Variants in BAG6 observed in about 807,000 individuals in gnomAD.
BAG6 encodes the protein large proline-rich protein BAG6.
In BAG6, 22 loss-of-function variants were observed where a neutral mutation model predicts 121.0. The ratio of observed to expected loss-of-function variants is 0.18; its 90% CI spans 0.13 to 0.26. BAG6 has a LOEUF of 0.26. BAG6 is among the 10% of genes least tolerant of loss of function. The pLI, the probability that BAG6 is intolerant of heterozygous loss-of-function variation, is 1.00. For missense variants in BAG6, 1,233 were observed against 1,537.7 expected, an observed-to-expected ratio of 0.80 and a Z score of 3.31; for synonymous variants, 583 against 584.6, an observed-to-expected ratio of 1.00 and a Z score of 0.04.
At chr6:31,651,252 T>C (rs529186282) in intron 2 of BAG6, among the ~76,000 whole-genome samples, 51 of 152,072 alleles carry the variant, frequency 3.4e-4, no homozygotes, top group Admixed American at 5.9e-4. Flanking sequence ...AAAAATAAAA[T>C]CTGAGGCCAG....
rs745881644 is a variant in BAG6 at position 31,640,434 on chromosome 6, T to C, written c.3089A>G (p.Gln1030Arg). The C allele has an allele frequency of 2.5e-6, 4 of 1,613,878 alleles. No individual in the cohort carries two copies. The South Asian group carries it at 4.4e-5, about 18-fold the overall frequency. The stretch of plus-strand genomic sequence containing the variant: ...TTCTGTCTCAGCTGAAGCTCCATCC[T>C]GTTCATCCCGGGAGCCCCCCTCAGG... ...PAPEGGSRDEQDGASAETEPW... is the reference protein window; with the variant it reads ...PAPEGGSRDERDGASAETEPW... Residue 1030 changes from glutamine (Q) to arginine (R), a missense_variant, in exon 23 of 26, where the codon CAG (glutamine) becomes CGG (arginine). Physicochemically the swap from Gln to Arg is conservative, Grantham distance 43. This residue lies in a region of BAG6 where 288 missense variants were observed against 483.1 expected (regional missense o/e 0.60). Coordinates refer to ENST00000676615, the MANE Select transcript of BAG6 (RefSeq NM_001387994.1). The surrounding 1 kb of genome is among the most constrained non-coding windows in gnomAD (Gnocchi z 4.2).
In BAG6 at chr6:31,647,799, T is replaced by G; in HGVS notation, c.580A>C (p.Ser194Arg). The G allele has an allele frequency of 6.4e-7, 1 of 1,569,820 alleles. No homozygotes were observed. Among genetic ancestry groups the G allele is most frequent in the Non-Finnish European group, 8.6e-7 (1 of 1,162,262 alleles). ...ECRGGPQPQH[S>R]QPPPQPPAVT... ...GCCGGTGGCTGCGGGGGCGGCTGACTGTGCTGCGGTTGGGGCCCTCCTCGA... is the reference window on the plus strand; with the variant it reads ...GCCGGTGGCTGCGGGGGCGGCTGACGGTGCTGCGGTTGGGGCCCTCCTCGA... The change falls in exon 7 of 26, where the codon AGT becomes CGT. Residue 194 changes from serine (S) to arginine (R), a missense_variant. Around this residue, in one of 7 missense-constraint regions of BAG6, gnomAD observed 777 missense variants for 861.4 expected, o/e 0.90. Transcript: ENST00000676615.
Position 31,640,597 on chromosome 6 carries a change from C to T in BAG6, c.2994+48G>A, listed in dbSNP as rs1781759045. On this transcript the variant is annotated intron_variant, in intron 22 of 25. Coordinates refer to ENST00000676615, the MANE Select transcript of BAG6 (RefSeq NM_001387994.1). The surrounding 1 kb of genome is among the most constrained non-coding windows in gnomAD (Gnocchi z 4.2). Reference sequence around the variant, plus strand: ...GCCTCCAAACCTTTCTCCCCCAGCCCTCCACTCCACATTATCTGGCCCCTC... The same window carrying T: ...GCCTCCAAACCTTTCTCCCCCAGCCTTCCACTCCACATTATCTGGCCCCTC... 6.2e-7 allele frequency: 1 copy of T among 1,612,808 alleles called. No individual in the cohort carries two copies.
intron 2 of BAG6, among the ~76,000 whole-genome samples, chr6:31,650,825 T>C (rs1442829060): frequency 6.6e-6 from 1 of 152,180 alleles, no homozygotes; most frequent in Non-Finnish European, 1.5e-5. Flanking sequence ...CCACCCCACA[T>C]GCAATTTGTC....
Position 31,643,939 on chromosome 6 carries a change from C to G in BAG6, c.1707G>C (p.Gln569His). Reference sequence around the variant, plus strand: ...GCTGCCCCACAAGGCCGCTCACCATCTGGGCCAACGAGGCATTGGTACCCA... The same window carrying G: ...GCTGCCCCACAAGGCCGCTCACCATGTGGGCCAACGAGGCATTGGTACCCA... ...AGLGTNASLA[Q>H]MVSGLVGQLL... The change falls in exon 14 of 26, where the codon CAG (glutamine) becomes CAC (histidine). Residue 569 changes from glutamine to histidine, a missense_variant. Gln to His is a conservative substitution (Grantham distance 24, BLOSUM62 0). This residue lies in a region of BAG6 where 777 missense variants were observed against 861.4 expected (regional missense o/e 0.90). Coordinates refer to ENST00000676615, the MANE Select transcript of BAG6 (RefSeq NM_001387994.1). 5.6e-6 allele frequency: 9 copies of G among 1,613,864 alleles called. No homozygotes were observed. Among genetic ancestry groups the G allele is most frequent in the Non-Finnish European group, 6.8e-6 (8 of 1,180,024 alleles).
chr6:31,648,166 C>T (rs1792016719), intron 6 of BAG6, among the ~76,000 whole-genome samples: 1 of 152,066 alleles, frequency 6.6e-6, no homozygotes, highest in South Asian at 2.1e-4. Context: ...CAGGCGCGTG[C>T]CACCACACCC....
chr6:31,651,142 C>T (rs894883058), intron 2 of BAG6, among the ~76,000 whole-genome samples: 4 of 152,216 alleles, frequency 2.6e-5, no homozygotes, highest in South Asian at 2.1e-4. Context: ...CTGTATTTCC[C>T]TCTGCATTAA....
chr6:31,640,988 GA>G lies in BAG6; in HGVS notation c.2788-51del. The G allele has an allele frequency of 6.2e-7, 1 of 1,603,202 alleles. No homozygotes were observed. The highest frequency in any genetic ancestry group is 8.5e-7 in the Non-Finnish European group (1 of 1,174,148). On this transcript the variant is annotated intron_variant, in intron 20 of 25. Coordinates refer to ENST00000676615, the MANE Select transcript of BAG6 (RefSeq NM_001387994.1). The surrounding 1 kb of genome is among the most constrained non-coding windows in gnomAD (Gnocchi z 4.2). ...AACACAAAACCCTCAACCACCTTTA[GA>G]AATAGATTAGATCCAGGTTACAGAA...
chr6:31,648,853 A>G, intron 5 of BAG6, 58 bp downstream of exon 5: 1 of 1,573,046 alleles, frequency 6.4e-7, no homozygotes, highest in Non-Finnish European at 8.6e-7. Flanking sequence ...GGTCCACCCC[A>G]CCTCCCAGCC....
Position 31,640,194 on chromosome 6 carries a change from C to T in BAG6, c.3246+5G>A. The T allele has an allele frequency of 6.2e-7, 1 of 1,613,978 alleles. No individual in the cohort carries two copies. Among genetic ancestry groups the T allele is most frequent in the South Asian group, 1.1e-5 (1 of 91,080 alleles). ...GAGAGAGGCTTAGGGAAGAGGAAAA[C>T]CAACCTTGCGTCTCTTGGCAGGCAT... On this transcript the variant is annotated splice_donor_5th_base_variant and intron_variant, in intron 24 of 25. Coordinates refer to ENST00000676615, the MANE Select transcript of BAG6 (RefSeq NM_001387994.1). The surrounding 1 kb of genome is among the most constrained non-coding windows in gnomAD (Gnocchi z 4.2).
rs1561886478 is a variant in BAG6, at chr6:31,641,525, GA to G, written c.2559+13del. The G allele has an allele frequency of 6.2e-7, 1 of 1,614,138 alleles. No homozygotes were observed. Among genetic ancestry groups the G allele is most frequent in the East Asian group, 2.2e-5 (1 of 44,888 alleles). On this transcript the variant is annotated intron_variant, in intron 18 of 25. Transcript: ENST00000676615. This position sits in a 1 kb window ranked among gnomAD's most constrained non-coding sequence, Gnocchi z 5.7. Reference sequence around the variant, plus strand: ...AGACCCAGGAGAGGAAAGGAATAGAGAAGGGTTACTCACAAAACTCTCCCGC... The same window carrying G: ...AGACCCAGGAGAGGAAAGGAATAGAGAGGGTTACTCACAAAACTCTCCCGC...
chr6:31,644,916 C>T lies in BAG6; in HGVS notation c.1369+30G>A. 1.3e-6 allele frequency: 2 copies of T among 1,550,816 alleles called. No individual in the cohort carries two copies. The highest frequency in any genetic ancestry group is 2.7e-5 in the African/African-American group (2 of 73,558). ...CATGAACCTCCCTCATCATGCTGAT[C>T]CTGCTCTTCTCGCCAGCAACTATTC... On this transcript the variant is annotated intron_variant, in intron 10 of 25. Transcript: ENST00000676615. The surrounding 1 kb of genome is among the most constrained non-coding windows in gnomAD (Gnocchi z 4.9).
At chr6:31,639,472 C>T (rs1292970105) in intron 25 of BAG6, 28 bp downstream of exon 25, 4 of 1,602,424 alleles carry the variant, frequency 2.5e-6, no homozygotes, top group Admixed American at 3.4e-5. Flanking sequence ...TCCCACTAGA[C>T]CATCCCTATT....
intron 2 of BAG6, 138 bp downstream of exon 2, chr6:31,651,518 G>T (rs1385467066): frequency 2.9e-5 from 21 of 713,936 alleles, no homozygotes; most frequent in Non-Finnish European, 4.5e-5. Context: ...CAGCCTGGAA[G>T]ACAGGGCGTG....
intron 5 of BAG6, 34 bp downstream of exon 5, chr6:31,648,877 T>C (rs747203714): frequency 1.3e-6 from 2 of 1,558,492 alleles, no homozygotes; most frequent in Admixed American, 3.7e-5. Flanking sequence ...TTCTCCCAGA[T>C]CCCCTTCCCT....
In BAG6 at chr6:31,641,019, A is replaced by C; in HGVS notation, c.2788-81T>G. ...GATTAGATCCAGGTTACAGAATGTCAGTTTAGAAAAGAAAAATGAAAACTG... is the reference window on the plus strand; with the variant it reads ...GATTAGATCCAGGTTACAGAATGTCCGTTTAGAAAAGAAAAATGAAAACTG... On this transcript the variant is annotated intron_variant, in intron 20 of 25. Coordinates refer to ENST00000676615, the MANE Select transcript of BAG6 (RefSeq NM_001387994.1). This position sits in a 1 kb window ranked among gnomAD's most constrained non-coding sequence, Gnocchi z 5.7. 1.3e-6 allele frequency: 2 copies of C among 1,597,918 alleles called. No individual in the cohort carries two copies. Among genetic ancestry groups the C allele is most frequent in the South Asian group, 2.2e-5 (2 of 89,230 alleles).
chr6:31,646,397 G>A lies in BAG6; in HGVS notation c.915C>T (p.Asn305=). The A allele has an allele frequency of 1.2e-6, 2 of 1,612,864 alleles. No homozygotes were observed. The highest frequency in any genetic ancestry group is 1.7e-6 in the Non-Finnish European group (2 of 1,179,936). The change falls in exon 8 of 26, where the codon AAC becomes AAT. Residue 305 remains asparagine, a synonymous_variant. Coordinates refer to ENST00000676615, the MANE Select transcript of BAG6 (RefSeq NM_001387994.1). ...LGAAATTDYN[N]NHEGREEDQR... ...GCAGGGCCATCAAAGGGCTCACATT[G>A]TTATTGTAGTCCGTGGTGGCAGCAG...
chr6:31,650,468 C>T (rs1180954616), intron 2 of BAG6, among the ~76,000 whole-genome samples: 1 of 152,110 alleles, frequency 6.6e-6, no homozygotes, highest in Non-Finnish European at 1.5e-5. Flanking sequence ...TCAAGACCAG[C>T]CTGGCCAACA....
chr6:31,640,573 C>A lies in BAG6; in HGVS notation c.2995-45G>T. ...AAGAGCCAGGCTTCAGAATTTTTAG[C>A]CTCCAAACCTTTCTCCCCCAGCCCT... On this transcript the variant is annotated intron_variant, in intron 22 of 25. Transcript: ENST00000676615. The surrounding 1 kb of genome is among the most constrained non-coding windows in gnomAD (Gnocchi z 4.2). 1 of 1,612,418 alleles carries A rather than the reference C, an allele frequency of 6.2e-7. No homozygotes were observed. The highest frequency in any genetic ancestry group is 8.5e-7 in the Non-Finnish European group (1 of 1,179,622).
Sources: gnomAD v4.1 joint callset for allele counts (sites outside exome capture counted in the v4.1 genomes callset) on GRCh38, gnomAD v4.1.1 for gene constraint, gnomAD v4.1.1 regional missense constraint, Gnocchi (gnomAD v3.1) non-coding constraint, MANE v1.5 for transcripts, NCBI Gene and HGNC (gene_info 2026-07-23, HGNC 2026-07-21) for gene names.